LYRM4: variants seen among roughly 807,000 people sequenced by gnomAD.
The protein encoded by LYRM4 is LYR motif containing 4, also known as LYR motif-containing protein 4.
LYRM4 carries 9 observed loss-of-function variants against 11.7 expected under a neutral mutation model. The observed-to-expected ratio is 0.77, with a 90% CI of 0.46 to 1.34. LYRM4 has a LOEUF of 1.34. LYRM4 is among the 40% of genes most tolerant of loss of function. The pLI is 0.00. For missense variants in LYRM4, 133 were observed against 112.5 expected (o/e 1.18, Z -0.82); for synonymous variants, 42 against 40.4 (o/e 1.04, Z -0.15).
At chr6:5,149,572 AT>A (rs1236242946) in intron 2 of LYRM4, among the ~76,000 whole-genome samples, 2 of 139,706 alleles carry the variant, frequency 1.4e-5, no homozygotes, top group East Asian at 5.1e-4. Flanking sequence ...ATACTCTAGA[AT>A]TAGGGGAAGC....
the LYRM4 span, among the ~76,000 whole-genome samples, chr6:5,074,232 C>A: frequency 2.6e-5 from 4 of 152,012 alleles, no homozygotes; most frequent in Admixed American, 2.0e-4. Context: ...GAAAAGAGGT[C>A]GAAGGGCACT....
chr6:5,218,208 T>G, intron 1 of LYRM4: 1 of 974,566 alleles, frequency 1.0e-6, no homozygotes, highest in Non-Finnish European at 1.2e-6. Flanking sequence ...TGCCTGGCTC[T>G]CTCGTCTTCT....
intron 2 of LYRM4, among the ~76,000 whole-genome samples, chr6:5,157,258 T>C (rs1455966389): frequency 6.6e-6 from 1 of 152,224 alleles, no homozygotes; most frequent in Non-Finnish European, 1.5e-5. Flanking sequence ...ATTTAATGCC[T>C]ACATTTTATG....
At chr6:5,154,553 A>G (rs1361248750) in intron 2 of LYRM4, among the ~76,000 whole-genome samples, 8 of 152,042 alleles carry the variant, frequency 5.3e-5, no homozygotes, top group Non-Finnish European at 8.8e-5. Flanking sequence ...GCGGTGGCTC[A>G]AGCCTGTAAT....
intron 2 of LYRM4, among the ~76,000 whole-genome samples, chr6:5,177,479 C>A (rs966195486): frequency 1.3e-5 from 2 of 152,234 alleles, no homozygotes; most frequent in African/African-American, 4.8e-5. Flanking sequence ...GAGACACAAG[C>A]TCTTGGTGTC....
chr6:5,186,779 T>G, intron 2 of LYRM4: 2 of 632,798 alleles, frequency 3.2e-6, no homozygotes, highest in Non-Finnish European at 2.2e-6. Context: ...AGGTCAGGAC[T>G]TCGAGACCAG....
At chr6:5,071,734 C>G in the LYRM4 span, among the ~76,000 whole-genome samples, 1 of 152,076 alleles carries the variant, frequency 6.6e-6, no homozygotes, top group African/African-American at 2.4e-5. Flanking sequence ...GCCTCCCTGG[C>G]TCACACGATT....
Position 5,260,922 on chromosome 6 carries a change from C to A in LYRM4, c.-189G>T. 7.3e-7 allele frequency: 1 copy of A among 1,360,724 alleles called. No individual in the cohort carries two copies. Among genetic ancestry groups the A allele is most frequent in the Non-Finnish European group, 9.4e-7 (1 of 1,061,624 alleles). The allele number at this position is 1,360,724 out of a possible 1,614,324, so 84.3% of individuals were successfully genotyped here. A position where few individuals can be genotyped will look rare whatever the true frequency, so the allele number is the denominator to read the frequency against. On this transcript the variant is annotated 5_prime_UTR_variant, in exon 1 of 3. Coordinates refer to ENST00000330636, the MANE Select transcript of LYRM4 (RefSeq NM_020408.6). The stretch of plus-strand genomic sequence containing the variant: ...GCGGACGGCGCCAGGCGTCCCGCGC[C>A]GCTTCGGGGGCGGGCGCAGGCAGGG...
intron 2 of LYRM4, among the ~76,000 whole-genome samples, chr6:5,214,101 T>C (rs959124044): frequency 6.6e-6 from 1 of 152,230 alleles, no homozygotes; most frequent in Admixed American, 6.5e-5. Flanking sequence ...GGGAGATCCC[T>C]GTCCTCATGG....
intron 1 of LYRM4, among the ~76,000 whole-genome samples, chr6:5,224,667 A>G (rs1433105489): frequency 6.6e-6 from 1 of 152,206 alleles, no homozygotes; most frequent in Non-Finnish European, 1.5e-5. Flanking sequence ...AGCTTTAAAA[A>G]CAGATGTTTC....
the LYRM4 span, among the ~76,000 whole-genome samples, chr6:5,055,184 T>C: frequency 6.6e-6 from 1 of 152,208 alleles, no homozygotes; most frequent in African/African-American, 2.4e-5. This position sits in a 1 kb window ranked among gnomAD's most constrained non-coding sequence, Gnocchi z 4.5. Flanking sequence ...GTCCTGCCTT[T>C]CTGGGTTGAC....
At chr6:5,216,573 T>C (rs376480070) in intron 2 of LYRM4, 45 bp downstream of exon 2, 1 of 1,611,288 alleles carries the variant, frequency 6.2e-7, no homozygotes, top group Non-Finnish European at 8.5e-7. Flanking sequence ...TATGTCGAAG[T>C]TTAAAGCTCT....
chr6:5,137,946 C>T (rs753757382), intron 2 of LYRM4, among the ~76,000 whole-genome samples: 1 of 152,184 alleles, frequency 6.6e-6, no homozygotes, highest in Non-Finnish European at 1.5e-5. Flanking sequence ...AGTCTTCTCA[C>T]CCCTTTCCAC....
chr6:5,164,404 T>A (rs1758946489), intron 2 of LYRM4, among the ~76,000 whole-genome samples: 1 of 152,176 alleles, frequency 6.6e-6, no homozygotes, highest in Non-Finnish European at 1.5e-5. Flanking sequence ...ACTGTCCACA[T>A]CTACATGCAG....
chr6:5,190,233 T>A (rs549655882), intron 2 of LYRM4, among the ~76,000 whole-genome samples: 1 of 152,102 alleles, frequency 6.6e-6, no homozygotes, highest in Non-Finnish European at 1.5e-5. Flanking sequence ...CTTGAGGCTT[T>A]TTTTTTTAAT....
chr6:5,138,884 G>A, intron 2 of LYRM4: 1 of 593,022 alleles, frequency 1.7e-6, no homozygotes, highest in Non-Finnish European at 2.9e-6. Context: ...TTTAGACATA[G>A]ACATTTTGCT....
the LYRM4 span, among the ~76,000 whole-genome samples, chr6:5,095,894 C>T: frequency 1.1e-4 from 16 of 152,076 alleles, no homozygotes; most frequent in Admixed American, 5.9e-4. Flanking sequence ...GCAGGAGAAT[C>T]GCTTAAGCCC....
At chr6:5,098,286 G>A in the LYRM4 span, among the ~76,000 whole-genome samples, 1 of 152,224 alleles carries the variant, frequency 6.6e-6, no homozygotes, top group Non-Finnish European at 1.5e-5. Flanking sequence ...GGCACTGTGA[G>A]TCTCTGGTAG....
intron 2 of LYRM4, among the ~76,000 whole-genome samples, chr6:5,165,451 T>G (rs1374407833): frequency 6.6e-6 from 1 of 152,238 alleles, no homozygotes; most frequent in Non-Finnish European, 1.5e-5. Flanking sequence ...GTAGATGCAA[T>G]TACTGAATTC....
Sources: allele counts gnomAD v4.1 joint callset (sites outside exome capture counted in the v4.1 genomes callset), GRCh38; gene constraint gnomAD v4.1.1; non-coding constraint Gnocchi (gnomAD v3.1); transcripts MANE v1.5; gene names NCBI Gene and HGNC (gene_info 2026-07-23, HGNC 2026-07-21).